Variants in CDH13 observed in about 807,000 individuals in gnomAD.
CDH13 encodes cadherin-13.
A neutral mutation model predicts 63.8 loss-of-function variants in CDH13; 24 were observed. The ratio of observed to expected loss-of-function variants is 0.38; its 90% confidence interval spans 0.27 to 0.53. The LOEUF (loss-of-function observed/expected upper bound fraction) is 0.53. Ranked by LOEUF, CDH13 falls within the 20% of genes least tolerant of loss-of-function variation. CDH13 has a pLI of 0.85. For synonymous variants in CDH13, 503 were observed against 355.3 expected (o/e 1.42, Z -4.67); for missense variants, 1,049 against 903.1 (o/e 1.16, Z -2.07).
intron 5 of CDH13, 132 bp downstream of exon 5, chr16:83,217,629 G>A (rs1276826110): frequency 2.2e-6 from 2 of 898,172 alleles, no homozygotes; most frequent in Non-Finnish European, 3.3e-6. Flanking sequence ...TGTTTCTGTG[G>A]GAGCTGAAGT....
intron 1 of CDH13, among the ~76,000 whole-genome samples, chr16:82,762,246 C>G (rs536589071): frequency 2.6e-4 from 40 of 152,268 alleles, no homozygotes; most frequent in Non-Finnish European, 5.0e-4. Context: ...TCTTTCTGCT[C>G]CCACGATGAT....
chr16:83,609,449 T>G (rs992358187), intron 8 of CDH13, among the ~76,000 whole-genome samples: 13 of 152,140 alleles, frequency 8.5e-5, no homozygotes, highest in Admixed American at 6.6e-5. Flanking sequence ...ATATTATGAG[T>G]TTTATGTTAT....
rs996350388 is a variant in CDH13 at position 82,682,309 on chromosome 16, T to G, written c.45+55172T>G. ...CTGTCTAGGTGTGAGCCTTGGAATC[T>G]GCATTTATCAAGCTTTTCTGGTTCT... On this transcript the variant is annotated intron_variant, in intron 1 of 13. Coordinates refer to ENST00000567109, the MANE Select transcript of CDH13 (RefSeq NM_001257.5). Among the ~76,000 whole-genome samples the G allele has an allele frequency of 5.3e-5, 8 of 152,364 alleles. No individual in the cohort carries two copies. The East Asian group carries it at 1.4e-3, about 26-fold the overall frequency.
intron 6 of CDH13, among the ~76,000 whole-genome samples, chr16:83,360,210 C>T (rs7194767): frequency 0.051 from 7,719 of 152,216 alleles, 254 homozygotes; most frequent in Non-Finnish European, 0.071. Flanking sequence ...GAATATGCAC[C>T]ATTCTTCGTC....
chr16:83,221,376 C>T (rs1392635144), intron 5 of CDH13, among the ~76,000 whole-genome samples: 4 of 152,166 alleles, frequency 2.6e-5, no homozygotes, highest in Admixed American at 2.6e-4. Flanking sequence ...AATAATTTAT[C>T]TCTTGCAGTA....
chr16:82,837,278 G>C (rs1479736090), intron 1 of CDH13, among the ~76,000 whole-genome samples: 14 of 152,156 alleles, frequency 9.2e-5, no homozygotes. Context: ...AGCATGGGGA[G>C]AGCTTGCCTA....
chr16:82,767,015 C>A (rs557838173), intron 1 of CDH13, among the ~76,000 whole-genome samples: 1 of 152,252 alleles, frequency 6.6e-6, no homozygotes, highest in East Asian at 1.9e-4. Flanking sequence ...GTGTGTCTCC[C>A]GTCCATCCAC....
intron 7 of CDH13, among the ~76,000 whole-genome samples, chr16:83,581,312 G>C (rs185778210): frequency 5.3e-5 from 8 of 152,288 alleles, no homozygotes; most frequent in Admixed American, 5.2e-4. Flanking sequence ...AACATTGATA[G>C]AATGTCAGAA....
At chr16:83,396,280 A>G (rs751989423) in intron 6 of CDH13, among the ~76,000 whole-genome samples, 1 of 152,188 alleles carries the variant, frequency 6.6e-6, no homozygotes, top group Non-Finnish European at 1.5e-5. Context: ...AAATGGGGGT[A>G]ATCCATTCTC....
At chr16:83,489,972 C>A (rs527963097) in intron 7 of CDH13, among the ~76,000 whole-genome samples, 27 of 151,674 alleles carry the variant, frequency 1.8e-4, no homozygotes, top group Non-Finnish European at 3.8e-4. Flanking sequence ...GATTCCAGTT[C>A]TGTCACAAAC....
At chr16:82,883,886 C>T (rs978654376) in intron 2 of CDH13, among the ~76,000 whole-genome samples, 1 of 152,152 alleles carries the variant, frequency 6.6e-6, no homozygotes, top group African/African-American at 2.4e-5. Context: ...CCACTGGAGC[C>T]CAGCTGCTTG....
At chr16:82,838,737 C>T (rs1003219754) in intron 1 of CDH13, among the ~76,000 whole-genome samples, 1 of 152,116 alleles carries the variant, frequency 6.6e-6, no homozygotes, top group Admixed American at 6.5e-5. Flanking sequence ...CCTAGGTTGT[C>T]CCAGTACTTC....
intron 2 of CDH13, among the ~76,000 whole-genome samples, chr16:82,901,493 T>G (rs748526203): frequency 6.6e-6 from 1 of 151,890 alleles, no homozygotes; most frequent in Non-Finnish European, 1.5e-5. Context: ...ACAGAAATAC[T>G]TAGTGAACAA....
At chr16:83,259,619 A>G (rs1424439442) in intron 5 of CDH13, among the ~76,000 whole-genome samples, 1 of 152,250 alleles carries the variant, frequency 6.6e-6, no homozygotes, top group Non-Finnish European at 1.5e-5. Context: ...GACAAAGTCA[A>G]TAGAAGACTT....
intron 8 of CDH13, among the ~76,000 whole-genome samples, chr16:83,635,305 G>C (rs1413711509): frequency 2.7e-5 from 4 of 145,954 alleles, no homozygotes; most frequent in Non-Finnish European, 4.5e-5. Context: ...GCCATTTTCA[G>C]GACTTTAACT....
chr16:83,590,040 A>T (rs546203771), intron 7 of CDH13, among the ~76,000 whole-genome samples: 7 of 152,212 alleles, frequency 4.6e-5, no homozygotes, highest in Non-Finnish European at 2.9e-5. Context: ...ATGAATTACA[A>T]ATAGCTCAGC....
chr16:83,682,226 C>G (rs1007991149), intron 10 of CDH13, among the ~76,000 whole-genome samples: 3 of 152,122 alleles, frequency 2.0e-5, no homozygotes, highest in African/African-American at 7.2e-5. Flanking sequence ...TCCGGGCAGG[C>G]TGCTCACAAC....
At position 83,433,753 on chromosome 16, in the gene CDH13, C is replaced by G. The variant is rs562452807; in HGVS notation, c.782-52724C>G. Among the ~76,000 whole-genome samples, 11 of 152,302 alleles carry G rather than the reference C, an allele frequency of 7.2e-5. No homozygotes were observed. The South Asian group carries it at 1.9e-3, about 26-fold the overall frequency. On this transcript the variant is annotated intron_variant, in intron 6 of 13. Transcript: ENST00000567109. ...TCCTTGAATGTACCATTAGCTACTG[C>G]CATGTCACATTACACTTGTTTATGC...
chr16:83,781,527 G>C (rs548023686), intron 12 of CDH13, among the ~76,000 whole-genome samples: 10 of 152,150 alleles, frequency 6.6e-5, no homozygotes, highest in Non-Finnish European at 1.3e-4. Flanking sequence ...TATTGTTATA[G>C]CCCTATCTCA....
Sources: allele counts gnomAD v4.1 joint callset (sites outside exome capture counted in the v4.1 genomes callset), GRCh38; gene constraint gnomAD v4.1.1; transcripts MANE v1.5; gene names NCBI Gene and HGNC (gene_info 2026-07-23, HGNC 2026-07-21).